The following ESRRB variants were observed in gnomAD, a reference collection of about 807,000 sequenced individuals.
The protein encoded by ESRRB is estrogen related receptor beta.
Under a neutral mutation model 46.0 loss-of-function variants are expected in ESRRB, and 16 were observed. That is an observed-to-expected ratio of 0.35 (90% CI 0.24 to 0.53). The LOEUF (loss-of-function observed/expected upper bound fraction) is 0.53. ESRRB is among the 20% of genes least tolerant of loss of function. The probability of loss-of-function intolerance (pLI) is 0.93; values close to 1 mark genes in which losing one functional copy is unlikely to be tolerated. For synonymous variants in ESRRB, 246 were observed against 259.6 expected (o/e 0.95, Z 0.50); for missense variants, 488 against 607.4 (o/e 0.80, Z 2.07).
chr14:76,485,722 G>A (rs1208876811), intron 5 of ESRRB, among the ~76,000 whole-genome samples: 1 of 151,850 alleles, frequency 6.6e-6, no homozygotes, highest in African/African-American at 2.4e-5. Context: ...GGCCCACCCT[G>A]GGGCCTGTGT....
intron 1 of ESRRB, among the ~76,000 whole-genome samples, chr14:76,423,027 T>A (rs1261739102): frequency 6.6e-6 from 1 of 152,170 alleles, no homozygotes; most frequent in Non-Finnish European, 1.5e-5. Flanking sequence ...TCTCAATGAG[T>A]TGCTCTCAGA....
intron 1 of ESRRB, among the ~76,000 whole-genome samples, chr14:76,311,774 C>G (rs907178728): frequency 6.6e-5 from 10 of 152,208 alleles, no homozygotes; most frequent in Admixed American, 5.9e-4. Context: ...AATAGTGTGC[C>G]GGCTCTGAGT....
intron 1 of ESRRB, among the ~76,000 whole-genome samples, chr14:76,431,650 G>A (rs369117021): frequency 1.3e-5 from 2 of 152,150 alleles, no homozygotes; most frequent in South Asian, 2.1e-4. Context: ...CCAGGGCAGC[G>A]CTTGCTAAGC....
intron 2 of ESRRB, among the ~76,000 whole-genome samples, chr14:76,449,748 CT>C (rs143961938): frequency 0.014 from 2,074 of 143,718 alleles, 49 homozygotes; most frequent in African/African-American, 0.053. Context: ...AATTTTCTCT[CT>C]TTTTTTCTTT....
At chr14:76,436,013 A>G (rs1200469251) in intron 1 of ESRRB, among the ~76,000 whole-genome samples, 2 of 152,182 alleles carry the variant, frequency 1.3e-5, no homozygotes, top group Admixed American at 1.3e-4. Context: ...GGTTTCCCTC[A>G]CCAACCCTGA....
chr14:76,430,812 GC>G (rs1239891317), intron 1 of ESRRB, among the ~76,000 whole-genome samples: 1 of 152,184 alleles, frequency 6.6e-6, no homozygotes, highest in African/African-American at 2.4e-5. Flanking sequence ...TAAATGCATG[GC>G]CCCAGCAGGG....
intron 2 of ESRRB, among the ~76,000 whole-genome samples, chr14:76,452,889 T>C (rs1888453295): frequency 6.6e-6 from 1 of 152,166 alleles, no homozygotes; most frequent in Non-Finnish European, 1.5e-5. Context: ...ACAGAGACCC[T>C]GGAGAGTTTG....
chr14:76,399,975 G>A (rs1414277930), intron 1 of ESRRB, among the ~76,000 whole-genome samples: 6 of 152,192 alleles, frequency 3.9e-5, no homozygotes, highest in African/African-American at 7.2e-5. Context: ...GATCCATGCG[G>A]AATAAATAAT....
At chr14:76,488,096 G>A (rs981328059) in intron 5 of ESRRB, among the ~76,000 whole-genome samples, 4 of 151,898 alleles carry the variant, frequency 2.6e-5, no homozygotes, top group African/African-American at 4.8e-5. Context: ...CTCCCATTCC[G>A]ACCTCCTAAA....
chr14:76,438,077 A>G (rs1456584181), intron 1 of ESRRB, among the ~76,000 whole-genome samples: 1 of 152,086 alleles, frequency 6.6e-6, no homozygotes, highest in Non-Finnish European at 1.5e-5. Flanking sequence ...CTTGGGGGAC[A>G]GGCAGGCTGG....
chr14:76,345,604 C>T (rs1884240073), intron 1 of ESRRB, among the ~76,000 whole-genome samples: 1 of 152,216 alleles, frequency 6.6e-6, no homozygotes, highest in South Asian at 2.1e-4. Context: ...GGAATGTACA[C>T]TAGTACAGCC....
At chr14:76,337,344 G>A (rs1273646620) in intron 1 of ESRRB, among the ~76,000 whole-genome samples, 1 of 152,178 alleles carries the variant, frequency 6.6e-6, no homozygotes, top group Non-Finnish European at 1.5e-5. Flanking sequence ...TGCCGTGGGT[G>A]TTGCAGGATG....
intron 1 of ESRRB, among the ~76,000 whole-genome samples, chr14:76,409,405 G>A (rs554039418): frequency 9.9e-5 from 15 of 152,208 alleles, no homozygotes; most frequent in Non-Finnish European, 1.6e-4. Flanking sequence ...TGACTGTAGC[G>A]AACACTCTGC....
chr14:76,409,650 G>C (rs1179694873), intron 1 of ESRRB, among the ~76,000 whole-genome samples: 1 of 152,028 alleles, frequency 6.6e-6, no homozygotes, highest in Non-Finnish European at 1.5e-5. Flanking sequence ...TTGAGCATGA[G>C]ATGGTATCTA....
At chr14:76,367,902 C>T (rs1052304975), upstream of ESRRB, among the ~76,000 whole-genome samples, 4 of 151,714 alleles carry the variant, frequency 2.6e-5, no homozygotes, top group Admixed American at 2.6e-4. Flanking sequence ...GGCCTTTGTC[C>T]CCCTCCACCT....
chr14:76,346,825 G>C (rs1410165238), intron 1 of ESRRB, among the ~76,000 whole-genome samples: 1 of 152,222 alleles, frequency 6.6e-6, no homozygotes, highest in Non-Finnish European at 1.5e-5. Flanking sequence ...TTGGACTGCT[G>C]TTCTTTCATT....
intron 2 of ESRRB, among the ~76,000 whole-genome samples, chr14:76,446,966 GTC>G (rs535607147): frequency 3.6e-4 from 55 of 152,152 alleles, no homozygotes; most frequent in Admixed American, 3.3e-3. Context: ...GTCACCCTGT[GTC>G]TCTCTCAGCA....
At chr14:76,493,291 A>G (rs1890297324) in intron 6 of ESRRB, among the ~76,000 whole-genome samples, 1 of 152,058 alleles carries the variant, frequency 6.6e-6, no homozygotes, top group Non-Finnish European at 1.5e-5. Context: ...AGTAGCTGGG[A>G]CTACATGCGT....
chr14:76,414,686 A>AAAAAAAC (rs1282047207), intron 1 of ESRRB, among the ~76,000 whole-genome samples: 5 of 147,352 alleles, frequency 3.4e-5, no homozygotes, highest in African/African-American at 1.1e-4. Context: ...AAAAAAAAAA[A>AAAAAAAC]AAAAAAACTA....
Sources: gnomAD v4.1 joint callset for allele counts (sites outside exome capture counted in the v4.1 genomes callset) on GRCh38, gnomAD v4.1.1 for gene constraint, MANE v1.5 for transcripts, NCBI Gene and HGNC (gene_info 2026-07-23, HGNC 2026-07-21) for gene names.